The following TNRC18 variants were observed in gnomAD, a reference collection of about 807,000 sequenced individuals.
TNRC18 encodes trinucleotide repeat-containing gene 18 protein.
TNRC18 carries 69 observed loss-of-function variants against 226.7 expected under a neutral mutation model. That is an observed-to-expected ratio of 0.30 (90% CI 0.25 to 0.37). The LOEUF (loss-of-function observed/expected upper bound fraction) is 0.37. TNRC18 is among the 10% of genes least tolerant of loss of function. The pLI, the probability that TNRC18 is intolerant of heterozygous loss-of-function variation, is 1.00. For missense variants in TNRC18, 4,754 were observed against 4,256.6 expected, an observed-to-expected ratio of 1.12 and a Z score of -3.25; for synonymous variants, 2,449 against 1,927.6, an observed-to-expected ratio of 1.27 and a Z score of -7.09.
Position 5,374,403 on chromosome 7 carries a change from C to A in TNRC18, c.2881G>T (p.Ala961Ser). The A allele has an allele frequency of 6.5e-7, 1 of 1,533,652 alleles. No homozygotes were observed. The highest frequency in any genetic ancestry group is 8.8e-7 in the Non-Finnish European group (1 of 1,140,166). Reference protein sequence around the residue: ...SKRGLEAAGKAGLATAGPGLL... With the variant: ...SKRGLEAAGKSGLATAGPGLL... ...CCGGGGCCGGCGGTGGCCAGGCCAGCCTTGCCCGCAGCCTCCAGGCCCCGC... is the reference window on the plus strand; with the variant it reads ...CCGGGGCCGGCGGTGGCCAGGCCAGACTTGCCCGCAGCCTCCAGGCCCCGC... The change falls in exon 10 of 30, where the codon GCT (alanine) becomes TCT (serine). Residue 961 changes from alanine to serine, a missense_variant. Ala to Ser is a moderately conservative substitution (Grantham distance 99). Transcript: ENST00000430969.
In TNRC18 at chr7:5,345,517, G is replaced by GTCC; in HGVS notation, c.5719+44_5719+45insGGA. ...CCTGTGGGATGGGGCAATGGCGTCCGCCCCTCCCACCCACCCCCACCGCAG... is the reference window on the plus strand; with the variant it reads ...CCTGTGGGATGGGGCAATGGCGTCCGTCCCCCCTCCCACCCACCCCCACCGCAG... On this transcript the variant is annotated intron_variant, in intron 18 of 29. Transcript: ENST00000430969. 3.0e-4 allele frequency: 114 copies of GTCC among 377,742 alleles called. 2 individuals carry two copies. Among genetic ancestry groups the GTCC allele is most frequent in the South Asian group, 1.4e-3 (31 of 22,820 alleles). 23.4% of individuals were successfully genotyped at this position (377,742 alleles called of 1,614,324 possible). A position where few individuals can be genotyped will look rare whatever the true frequency, so the allele number is the denominator to read the frequency against.
chr7:5,361,971 C>A lies in TNRC18; in HGVS notation c.4458G>T (p.Arg1486=). Residue 1486 remains arginine (R), a synonymous_variant, in exon 13 of 30, where the codon CGG becomes CGT. Coordinates refer to ENST00000430969, the MANE Select transcript of TNRC18 (RefSeq NM_001080495.3). ...TGTACTGGCGCTGCACCTCGGCCAGCCGCATCCGGAAGTCCAGCTCCAGGG... is the reference window on the plus strand; with the variant it reads ...TGTACTGGCGCTGCACCTCGGCCAGACGCATCCGGAAGTCCAGCTCCAGGG... The part of the protein sequence containing the change: ...MDALELDFRM[R]LAEVQRQYKE... 1 of 1,613,202 alleles carries A rather than the reference C, an allele frequency of 6.2e-7. No individual in the cohort carries two copies. The highest frequency in any genetic ancestry group is 1.1e-5 in the South Asian group (1 of 91,000).
chr7:5,320,643 C>T (rs779810021), intron 22 of TNRC18, 36 bp from the exon 23 acceptor site: 199 of 1,591,318 alleles, frequency 1.3e-4, no homozygotes, highest in Non-Finnish European at 1.6e-4. Context: ...TGGCAGAGGC[C>T]GAGACCTCCC....
Position 5,392,887 on chromosome 7 carries a change from C to T in TNRC18, c.343+1553G>A, listed in dbSNP as rs146681831. ...GTTAACCGGGCGTGATGGTGTGCAC[C>T]TGTAGTCGCAGCTACTCAGGAGGCT... On this transcript the variant is annotated intron_variant, in intron 3 of 29. Coordinates refer to ENST00000430969, the MANE Select transcript of TNRC18 (RefSeq NM_001080495.3). 3.0e-3 allele frequency among the ~76,000 whole-genome samples: 450 copies of T among 152,200 alleles called. 2 individuals are homozygous for T. Among genetic ancestry groups the T allele is most frequent in the Middle Eastern group, 0.014 (4 of 294 alleles).
rs1583771402 is a variant in TNRC18, at chr7:5,324,083, G to A, written c.6442+131C>T. ...CATCGACCCGGATAACTCAGCCTCA[G>A]GATCTCTGCTCCTGTGGTTCCCTGC... On this transcript the variant is annotated intron_variant, in intron 21 of 29. Coordinates refer to ENST00000430969, the MANE Select transcript of TNRC18 (RefSeq NM_001080495.3). This position sits in a 1 kb window ranked among gnomAD's most constrained non-coding sequence, Gnocchi z 4.8. The A allele has an allele frequency of 9.6e-7, 1 of 1,046,344 alleles. No homozygotes were observed. The allele number at this position is 1,046,344 out of a possible 1,614,324, so 64.8% of individuals were successfully genotyped here.
At position 5,361,730 on chromosome 7, in the gene TNRC18, A is replaced by C. The variant is rs1267606025; in HGVS notation, c.4533-8T>G. ...GGTTCCTCGCGCCTGTCCCTTAAAA[A>C]GAATCACACGCTTGGCTGTGACGCT... On this transcript the variant is annotated splice_region_variant and splice_polypyrimidine_tract_variant and intron_variant, in intron 13 of 29. Transcript: ENST00000430969. 2.6e-6 allele frequency: 4 copies of C among 1,563,112 alleles called. No individual in the cohort carries two copies. Among genetic ancestry groups the C allele is most frequent in the Non-Finnish European group, 3.5e-6 (4 of 1,154,718 alleles).
At chr7:5,365,012 C>G (rs925464004) in intron 11 of TNRC18, among the ~76,000 whole-genome samples, 1 of 143,998 alleles carries the variant, frequency 6.9e-6, no homozygotes, top group African/African-American at 2.6e-5. Flanking sequence ...AAGGAGCCTA[C>G]GCAGAATCAT....
At chr7:5,411,780 C>G (rs1781860461) in intron 2 of TNRC18, among the ~76,000 whole-genome samples, 1 of 151,912 alleles carries the variant, frequency 6.6e-6, no homozygotes, top group Non-Finnish European at 1.5e-5. Flanking sequence ...CACCCAAGAA[C>G]CGGGCCAACC....
chr7:5,329,807 A>C (rs1259235353), intron 19 of TNRC18: 2 of 412,636 alleles, frequency 4.8e-6, no homozygotes, highest in African/African-American at 4.2e-5. Flanking sequence ...CTCCTTAACC[A>C]CTGGACTACA....
rs1340036939 is a variant in TNRC18 at position 5,313,270 on chromosome 7, G to C, written c.7621C>G (p.Pro2541Ala). 1.3e-5 allele frequency: 20 copies of C among 1,548,576 alleles called. No homozygotes were observed. Among genetic ancestry groups the C allele is most frequent in the Non-Finnish European group, 1.6e-5 (18 of 1,146,646 alleles). ...PGLTFEDSGN[P>A]KSPDKAQAEQ... Reference sequence around the variant, plus strand: ...GCCTGGGCCTTGTCTGGGCTCTTGGGGTTCCCAGAGTCCTCGAACGTGAGC... The same window carrying C: ...GCCTGGGCCTTGTCTGGGCTCTTGGCGTTCCCAGAGTCCTCGAACGTGAGC... Residue 2541 changes from proline (P) to alanine (A), a missense_variant, in exon 27 of 30, where the codon CCC becomes GCC. Coordinates refer to ENST00000430969, the MANE Select transcript of TNRC18 (RefSeq NM_001080495.3).
intron 3 of TNRC18, among the ~76,000 whole-genome samples, chr7:5,393,676 CAAAGCCAG>C (rs1780460802): frequency 3.9e-5 from 6 of 152,186 alleles, no homozygotes; most frequent in Admixed American, 3.9e-4. Context: ...CAGAACCTGT[CAAAGCCAG>C]AGAAGACAGA....
chr7:5,361,734 TCA>T lies in TNRC18; in HGVS notation c.4533-14_4533-13del. On this transcript the variant is annotated splice_polypyrimidine_tract_variant and intron_variant, in intron 13 of 29. Transcript: ENST00000430969. ...CCTCGCGCCTGTCCCTTAAAAAGAA[TCA>T]CACGCTTGGCTGTGACGCTGGGGGG... 1 of 1,561,602 alleles carries T rather than the reference TCA, an allele frequency of 6.4e-7. No individual in the cohort carries two copies. The highest frequency in any genetic ancestry group is 1.2e-5 in the South Asian group (1 of 85,016).
intron 29 of TNRC18, 26 bp from the exon 30 acceptor site, chr7:5,308,338 T>C (rs776942000): frequency 1.3e-6 from 2 of 1,588,422 alleles, no homozygotes; most frequent in Non-Finnish European, 8.6e-7. Context: ...GATATCAGGA[T>C]GGCAGGTGGG....
intron 11 of TNRC18, among the ~76,000 whole-genome samples, chr7:5,363,601 CTCAA>C (rs1293898121): frequency 2.0e-5 from 3 of 152,020 alleles, no homozygotes; most frequent in Non-Finnish European, 2.9e-5. Flanking sequence ...GAGACTCCAT[CTCAA>C]TCAATCAATC....
In TNRC18 at chr7:5,324,085, A is replaced by T. The variant is rs572261610; in HGVS notation, c.6442+129T>A. On this transcript the variant is annotated intron_variant, in intron 21 of 29. Coordinates refer to ENST00000430969, the MANE Select transcript of TNRC18 (RefSeq NM_001080495.3). The surrounding 1 kb of genome is among the most constrained non-coding windows in gnomAD (Gnocchi z 4.8). ...TCGACCCGGATAACTCAGCCTCAGG[A>T]TCTCTGCTCCTGTGGTTCCCTGCCC... 6 of 1,059,670 alleles carry T rather than the reference A, an allele frequency of 5.7e-6. No homozygotes were observed. The Admixed American group carries it at 1.1e-4, about 19-fold the overall frequency. 65.6% of individuals were successfully genotyped at this position (1,059,670 alleles called of 1,614,324 possible). A position where few individuals can be genotyped will look rare whatever the true frequency, so the allele number is the denominator to read the frequency against.
intron 2 of TNRC18, among the ~76,000 whole-genome samples, chr7:5,396,342 C>T (rs543316745): frequency 1.3e-5 from 2 of 151,598 alleles, no homozygotes; most frequent in South Asian, 2.1e-4. Flanking sequence ...AGTGAGACTC[C>T]GTCTCAAAAA....
At chr7:5,325,288 G>A (rs1342674329) in intron 19 of TNRC18, 40 bp from the exon 20 acceptor site, 1 of 1,538,846 alleles carries the variant, frequency 6.5e-7, no homozygotes, top group Non-Finnish European at 8.7e-7. Context: ...TCAAACGGCA[G>A]GGAAAGCACA....
chr7:5,383,809 T>C (rs185991278), intron 5 of TNRC18, among the ~76,000 whole-genome samples: 24 of 152,194 alleles, frequency 1.6e-4, no homozygotes, highest in Non-Finnish European at 2.6e-4. Flanking sequence ...TTTGTTCTTT[T>C]AGAGACCGGG....
At chr7:5,352,132 G>C in intron 16 of TNRC18, 38 bp from the exon 17 acceptor site, 1 of 1,552,074 alleles carries the variant, frequency 6.4e-7, no homozygotes, top group Non-Finnish European at 8.7e-7. Flanking sequence ...ATAAGTCACA[G>C]GGCAGCAGGA....
Sources: gnomAD v4.1 joint callset for allele counts (sites outside exome capture counted in the v4.1 genomes callset) on GRCh38, gnomAD v4.1.1 for gene constraint, Gnocchi (gnomAD v3.1) non-coding constraint, MANE v1.5 for transcripts, NCBI Gene and HGNC (gene_info 2026-07-23, HGNC 2026-07-21) for gene names.